Variants in TPO observed in about 807,000 individuals in gnomAD.
The protein encoded by TPO is thyroid peroxidase, also known as thyroid microsomal antigen.
In TPO, 78 loss-of-function variants were observed where a neutral mutation model predicts 96.9. That is an observed-to-expected ratio of 0.81 (90% CI 0.67 to 0.97). TPO has a LOEUF of 0.97. TPO is among the 50% of genes least tolerant of loss of function. The pLI, the probability that TPO is intolerant of heterozygous loss-of-function variation, is 0.00. For synonymous variants in TPO, 547 were observed against 538.0 expected, an observed-to-expected ratio of 1.02 and a Z score of -0.23; for missense variants, 1,252 against 1,274.8, an observed-to-expected ratio of 0.98 and a Z score of 0.27.
chr2:1,402,538 A>G (rs1309886193), intron 1 of TPO, among the ~76,000 whole-genome samples: 1 of 152,166 alleles, frequency 6.6e-6, no homozygotes, highest in Non-Finnish European at 1.5e-5. Context: ...TGGTCAATTT[A>G]TATAAAGGAA....
intron 2 of TPO, among the ~76,000 whole-genome samples, chr2:1,420,498 AT>A (rs1383823986): frequency 6.6e-6 from 1 of 152,170 alleles, no homozygotes; most frequent in African/African-American, 2.4e-5. Flanking sequence ...TCAAAATTTC[AT>A]AAAGGAAGAG....
chr2:1,528,243 TCCC>T (rs150907781), intron 15 of TPO, among the ~76,000 whole-genome samples: 1,202 of 39,096 alleles, frequency 0.031, 13 homozygotes, highest in Middle Eastern at 0.12. Flanking sequence ...CCTCCCCAAA[TCCC>T]CCCAATGTAG....
At chr2:1,507,953 G>A (rs1298856929) in intron 14 of TPO, among the ~76,000 whole-genome samples, 1 of 152,190 alleles carries the variant, frequency 6.6e-6, no homozygotes, top group Non-Finnish European at 1.5e-5. Context: ...AGGCATCCCT[G>A]TTTTGTGCCA....
chr2:1,494,572 T>C (rs1672140850), intron 11 of TPO, among the ~76,000 whole-genome samples: 1 of 151,852 alleles, frequency 6.6e-6, no homozygotes, highest in African/African-American at 2.4e-5. Flanking sequence ...CCTCCTCAAG[T>C]TCAACCTAGA....
intron 7 of TPO, among the ~76,000 whole-genome samples, chr2:1,461,760 C>T (rs1668458955): frequency 1.3e-5 from 2 of 152,192 alleles, no homozygotes; most frequent in East Asian, 3.9e-4. Context: ...CACAGACCCA[C>T]ACACACACCT....
chr2:1,376,609 G>A (rs1238452828), intron 1 of TPO, among the ~76,000 whole-genome samples: 1 of 152,102 alleles, frequency 6.6e-6, no homozygotes, highest in South Asian at 2.1e-4. Flanking sequence ...AGAGAGCCTG[G>A]TCTGAACAGC....
intron 10 of TPO, among the ~76,000 whole-genome samples, chr2:1,489,988 T>C (rs1451075814): frequency 9.2e-6 from 1 of 108,486 alleles, no homozygotes; most frequent in African/African-American, 3.6e-5. Flanking sequence ...ACAGGGGGAG[T>C]CACGACACAG....
At chr2:1,502,037 A>T (rs114787703) in intron 13 of TPO, among the ~76,000 whole-genome samples, 1 of 152,260 alleles carries the variant, frequency 6.6e-6, no homozygotes, top group African/African-American at 2.4e-5. Flanking sequence ...GGCAGCTGCC[A>T]TTCCCATTCT....
At chr2:1,517,972 G>A (rs1674882150) in intron 15 of TPO, among the ~76,000 whole-genome samples, 2 of 151,384 alleles carry the variant, frequency 1.3e-5, no homozygotes, top group African/African-American at 2.4e-5. Context: ...GCACACTCCT[G>A]CTGCAGCCAG....
chr2:1,414,318 G>A, intron 1 of TPO, 90 bp from the exon 2 acceptor site: 2 of 1,260,296 alleles, frequency 1.6e-6, no homozygotes, highest in South Asian at 2.5e-5. Flanking sequence ...TCAGTGGAGG[G>A]AGCCCCTCAG....
chr2:1,521,141 C>T (rs1675214127), intron 15 of TPO, among the ~76,000 whole-genome samples: 1 of 152,136 alleles, frequency 6.6e-6, no homozygotes, highest in South Asian at 2.1e-4. Context: ...CTATGGTATG[C>T]ATTATAAATT....
chr2:1,398,885 G>A (rs1474107977), intron 1 of TPO, among the ~76,000 whole-genome samples: 1 of 152,176 alleles, frequency 6.6e-6, no homozygotes, highest in Non-Finnish European at 1.5e-5. Flanking sequence ...AGGGTGGGGG[G>A]CGCTGGCACC....
At chr2:1,393,271 A>C (rs1165598441) in intron 1 of TPO, among the ~76,000 whole-genome samples, 2 of 152,164 alleles carry the variant, frequency 1.3e-5, no homozygotes. Context: ...ACAAGAACTC[A>C]TTCACTATGA....
rs538680260 is a variant in TPO, at chr2:1,414,613, G to A, written c.94+111G>A. 3.9e-5 allele frequency: 37 copies of A among 946,872 alleles called. No homozygotes were observed. The South Asian group carries it at 4.4e-4, about 11-fold the overall frequency. The allele number at this position is 946,872 out of a possible 1,614,324, so 58.7% of individuals were successfully genotyped here. A position where few individuals can be genotyped will look rare whatever the true frequency, so the allele number is the denominator to read the frequency against. ...GAGAGTCACTTTAGGCCCCTGTAGT[G>A]TATGCTTTGTTATGCTTAAGAAAAA... On this transcript the variant is annotated intron_variant, in intron 2 of 16. Coordinates refer to ENST00000329066, the MANE Select transcript of TPO (RefSeq NM_001206744.2).
intron 2 of TPO, among the ~76,000 whole-genome samples, chr2:1,414,758 G>GA (rs906931910): frequency 1.7e-4 from 25 of 150,882 alleles, no homozygotes; most frequent in Non-Finnish European, 3.0e-4. Context: ...TCATATAACT[G>GA]AAAAAAAAAT....
chr2:1,465,562 C>CT (rs1668823969), intron 7 of TPO, among the ~76,000 whole-genome samples: 1 of 152,046 alleles, frequency 6.6e-6, no homozygotes, highest in South Asian at 2.1e-4. Flanking sequence ...TTTGTGTTGT[C>CT]TGTGGTTTTT....
Position 1,536,960 on chromosome 2 carries a change from T to C in TPO, c.2619-3634T>C, listed in dbSNP as rs1198171270. ...ATGTGAGCAACCTCTCAAATCCCCC[T>C]GTGTGCAACCCCCCAATCTCCCCCA... On this transcript the variant is annotated intron_variant, in intron 15 of 16. Coordinates refer to ENST00000329066, the MANE Select transcript of TPO (RefSeq NM_001206744.2). 1.2e-4 allele frequency among the ~76,000 whole-genome samples: 6 copies of C among 49,552 alleles called. No homozygotes were observed. In the Admixed American group the frequency reaches 1.6e-3, roughly 13 times the overall value. 32.5% of individuals were successfully genotyped at this position (49,552 alleles called of 152,430 possible). A position where few individuals can be genotyped will look rare whatever the true frequency, so the allele number is the denominator to read the frequency against.
chr2:1,525,417 C>A (rs1191683597), intron 15 of TPO, among the ~76,000 whole-genome samples: 3 of 130,358 alleles, frequency 2.3e-5, no homozygotes, highest in Admixed American at 1.6e-4. Flanking sequence ...CTCAAATCCC[C>A]CCACTGTGTG....
intron 7 of TPO, among the ~76,000 whole-genome samples, chr2:1,467,964 A>G: frequency 1.4e-5 from 1 of 73,640 alleles, no homozygotes; most frequent in Non-Finnish European, 3.3e-5. Context: ...TTTTTTAACC[A>G]CTGTTGCTTT....
Sources: gnomAD v4.1 joint callset for allele counts (sites outside exome capture counted in the v4.1 genomes callset) on GRCh38, gnomAD v4.1.1 for gene constraint, MANE v1.5 for transcripts, NCBI Gene and HGNC (gene_info 2026-07-23, HGNC 2026-07-21) for gene names.